The following SLC19A1 variants were observed in gnomAD, a reference collection of about 807,000 sequenced individuals.
SLC19A1 encodes solute carrier family 19 member 1, also known as reduced folate transporter.
SLC19A1 carries 37 observed loss-of-function variants against 35.3 expected under a neutral mutation model. That is an observed-to-expected ratio of 1.05 (90% CI 0.81 to 1.38). The LOEUF (loss-of-function observed/expected upper bound fraction) is 1.38, where lower values mean the gene tolerates loss of function less well. SLC19A1 is among the 40% of genes most tolerant of loss of function. The probability of loss-of-function intolerance (pLI) is 0.00; values close to 1 mark genes in which losing one functional copy is unlikely to be tolerated. For synonymous variants in SLC19A1, 460 were observed against 398.5 expected (o/e 1.15, Z -1.84); for missense variants, 831 against 826.9 (o/e 1.00, Z -0.06).
At chr21:45,525,738 AG>A in intron 5 of SLC19A1, 78 bp downstream of exon 5, 1 of 1,515,276 alleles carries the variant, frequency 6.6e-7, no homozygotes, top group South Asian at 1.2e-5. Flanking sequence ...GCTCCACATC[AG>A]GCGGGCACCA....
intron 1 of SLC19A1, among the ~76,000 whole-genome samples, chr21:45,541,386 G>C (rs970863580): frequency 5.3e-5 from 8 of 152,226 alleles, no homozygotes; most frequent in African/African-American, 1.9e-4. Context: ...GGGGATCCTC[G>C]GGTCTCCGTA....
In SLC19A1 at chr21:45,514,986, C is replaced by T; in HGVS notation, c.*672G>A. ...CTGAGGACCCGCAGGTCAGGATGGA[C>T]ACACTTCAGAAGGACAGACAGGACC... On this transcript the variant is annotated 3_prime_UTR_variant, in exon 6 of 6. Transcript: ENST00000311124. The T allele has an allele frequency of 1.3e-6, 2 of 1,510,126 alleles. No homozygotes were observed. The highest frequency in any genetic ancestry group is 1.4e-5 in the African/African-American group (1 of 70,066). 93.5% of individuals were successfully genotyped at this position (1,510,126 alleles called of 1,614,324 possible).
chr21:45,546,499 G>A (rs1569026209), upstream of SLC19A1, among the ~76,000 whole-genome samples: 1 of 152,178 alleles, frequency 6.6e-6, no homozygotes, highest in Non-Finnish European at 1.5e-5. Flanking sequence ...CCTCCCAGTT[G>A]AGCCCTGCCT....
intron 5 of SLC19A1, among the ~76,000 whole-genome samples, chr21:45,518,913 A>G (rs1427484234): frequency 3.9e-5 from 6 of 152,252 alleles, no homozygotes; most frequent in African/African-American, 7.2e-5. Context: ...CTAAAGAAGG[A>G]ATCTTGAAAT....
chr21:45,562,027 AG>A (rs2078619494), intron 1 of SLC19A1, among the ~76,000 whole-genome samples: 1 of 148,508 alleles, frequency 6.7e-6, no homozygotes, highest in East Asian at 2.1e-4. Context: ...GCTATTCAGG[AG>A]GCTGAGGCAG....
chr21:45,558,241 C>T (rs977949289), intron 1 of SLC19A1, among the ~76,000 whole-genome samples: 5 of 152,220 alleles, frequency 3.3e-5, no homozygotes, highest in African/African-American at 9.6e-5. Flanking sequence ...CCATCCAAGA[C>T]GACAGGCTGA....
rs1182230424 is a variant in SLC19A1, at chr21:45,537,939, C to T, written c.21G>A (p.Ala7=). The T allele has an allele frequency of 6.3e-6, 10 of 1,579,284 alleles. 1 individual carries two copies. The highest frequency in any genetic ancestry group is 5.7e-5 in the South Asian group (5 of 87,228). MVPSSP[A]VEKQVPVEPG... The stretch of plus-strand genomic sequence containing the variant: ...GTTCCACGGGCACCTGCTTCTCCAC[C>T]GCTGGGCTGGAGGGCACCATCCTGC... Residue 7 remains alanine (A), a synonymous_variant, in exon 2 of 6, where the codon GCG becomes GCA. Coordinates refer to ENST00000311124, the MANE Select transcript of SLC19A1 (RefSeq NM_194255.4).
chr21:45,505,992 G>C (rs377521846), intron 3 of SLC19A1: 1 of 1,612,792 alleles, frequency 6.2e-7, no homozygotes, highest in Non-Finnish European at 8.5e-7. Context: ...GACGGGTTCT[G>C]GACCCGTGGA....
At chr21:45,503,159 A>G (rs1026636660) in intron 3 of SLC19A1, among the ~76,000 whole-genome samples, 1 of 152,156 alleles carries the variant, frequency 6.6e-6, no homozygotes, top group African/African-American at 2.4e-5. Flanking sequence ...GACTTCCACA[A>G]TGGTTGAACT....
At chr21:45,538,613 A>C (rs2078210176) in intron 1 of SLC19A1, among the ~76,000 whole-genome samples, 1 of 152,170 alleles carries the variant, frequency 6.6e-6, no homozygotes. Flanking sequence ...CCAAGCCCAC[A>C]GTGAGGGAAG....
chr21:45,543,896 C>A, upstream of SLC19A1: 1 of 152,756 alleles, frequency 6.5e-6, no homozygotes, highest in Non-Finnish European at 1.5e-5. Context: ...GGAGGAGGGG[C>A]CCTTCCTTCC....
At chr21:45,541,329 A>C (rs193120150) in intron 1 of SLC19A1, among the ~76,000 whole-genome samples, 44 of 152,384 alleles carry the variant, frequency 2.9e-4, no homozygotes, top group Non-Finnish European at 4.7e-4. Context: ...AGGCAGGTGC[A>C]CTGGGCCAGA....
chr21:45,525,316 G>C (rs1004656974), intron 5 of SLC19A1, among the ~76,000 whole-genome samples: 3 of 152,224 alleles, frequency 2.0e-5, no homozygotes, highest in Admixed American at 1.3e-4. Flanking sequence ...TCGGAGACCC[G>C]GCCTTGGCTG....
downstream of SLC19A1, chr21:45,509,508 C>A: frequency 6.5e-7 from 1 of 1,530,152 alleles, no homozygotes; most frequent in Non-Finnish European, 8.8e-7. Flanking sequence ...CCCAGCCCTA[C>A]CCCGGAGCCC....
chr21:45,540,027 G>A lies in SLC19A1; in HGVS notation c.-49-2019C>T, dbSNP rs1256616482. Among the ~76,000 whole-genome samples the A allele has an allele frequency of 6.6e-6, 1 of 152,140 alleles. No individual in the cohort carries two copies. Among genetic ancestry groups the A allele is most frequent in the African/African-American group, 2.4e-5 (1 of 41,432 alleles). On this transcript the variant is annotated intron_variant, in intron 1 of 5. Transcript: ENST00000311124. This position sits in a 1 kb window ranked among gnomAD's most constrained non-coding sequence, Gnocchi z 5.5. ...AGGCAGGGGCCACTGCCAGGCCGAG[G>A]CAGATCTGACGGTCGCCTGCCTCGG...
chr21:45,507,659 CT>C, downstream of SLC19A1: 1 of 1,465,276 alleles, frequency 6.8e-7, no homozygotes, highest in Non-Finnish European at 9.5e-7. Flanking sequence ...GTGCTGTCCC[CT>C]GTTTGAGGAA....
At chr21:45,555,184 AGGGGGCGGC>A (rs1485082391) in intron 1 of SLC19A1, among the ~76,000 whole-genome samples, 178 of 13,684 alleles carry the variant, frequency 0.013, 27 homozygotes, top group East Asian at 0.043. Flanking sequence ...GGGGCGGTGC[AGGGGGCGGC>A]GGGGGCGGCG....
chr21:45,537,719 T>TGGGGGGGGGGCCCCCCCCCCC, intron 2 of SLC19A1, 52 bp downstream of exon 2: 2 of 319,776 alleles, frequency 6.3e-6, no homozygotes, highest in Non-Finnish European at 1.1e-5. Flanking sequence ...CAGACGCTGC[T>TGGGGGGGGGGCCCCCCCCCCC]CCCCGCCCAC....
At chr21:45,529,211 C>T (rs1053985501) in intron 4 of SLC19A1, among the ~76,000 whole-genome samples, 2 of 152,186 alleles carry the variant, frequency 1.3e-5, no homozygotes, top group Non-Finnish European at 2.9e-5. Context: ...CTGCCCATGC[C>T]GGGAGACTGC....
Sources: allele counts gnomAD v4.1 joint callset (sites outside exome capture counted in the v4.1 genomes callset), GRCh38; gene constraint gnomAD v4.1.1; non-coding constraint Gnocchi (gnomAD v3.1); transcripts MANE v1.5; gene names NCBI Gene and HGNC (gene_info 2026-07-23, HGNC 2026-07-21).